Variants in ENTREP2 observed in about 807,000 individuals in gnomAD.
The protein encoded by ENTREP2 is protein ENTREP2.
chr15:29,487,323 G>A, the ENTREP2 span, among the ~76,000 whole-genome samples: 2 of 152,122 alleles, frequency 1.3e-5, no homozygotes, highest in Non-Finnish European at 2.9e-5. Flanking sequence ...ATGAGCTCCA[G>A]GTTCAGTATA....
the ENTREP2 span, among the ~76,000 whole-genome samples, chr15:29,667,851 C>A: frequency 6.6e-6 from 1 of 152,066 alleles, no homozygotes; most frequent in East Asian, 1.9e-4. Context: ...CATCCTATAT[C>A]CTATAGATGT....
chr15:29,154,770 T>A, the ENTREP2 span, among the ~76,000 whole-genome samples: 1 of 152,196 alleles, frequency 6.6e-6, no homozygotes, highest in African/African-American at 2.4e-5. Context: ...TGTAACATCC[T>A]CTGGACAATT....
chr15:29,140,047 C>T, the ENTREP2 span, among the ~76,000 whole-genome samples: 3 of 152,192 alleles, frequency 2.0e-5, no homozygotes, highest in Non-Finnish European at 4.4e-5. Context: ...GGGTTTCCTG[C>T]GCCTTCCCAC....
At chr15:29,556,771 C>T in the ENTREP2 span, among the ~76,000 whole-genome samples, 1 of 42,948 alleles carries the variant, frequency 2.3e-5, no homozygotes, top group African/African-American at 5.2e-5. Flanking sequence ...TGCCCCCCCC[C>T]CGCCCCACAT....
chr15:29,590,433 A>C, the ENTREP2 span, among the ~76,000 whole-genome samples: 116 of 152,266 alleles, frequency 7.6e-4, no homozygotes, highest in Admixed American at 6.5e-3. Context: ...CTGTAATCCT[A>C]GCACTTTGCG....
At chr15:29,459,026 C>G in the ENTREP2 span, among the ~76,000 whole-genome samples, 1 of 152,200 alleles carries the variant, frequency 6.6e-6, no homozygotes, top group Non-Finnish European at 1.5e-5. Context: ...CCAGGGCAGG[C>G]AAACTTCACC....
the ENTREP2 span, among the ~76,000 whole-genome samples, chr15:29,300,239 AATGGATGG>A: frequency 7.4e-6 from 1 of 135,632 alleles, no homozygotes; most frequent in Non-Finnish European, 1.6e-5. Flanking sequence ...TGGATGGAGA[AATGGATGG>A]ATGGATGGAT....
the ENTREP2 span, among the ~76,000 whole-genome samples, chr15:29,308,520 C>G: frequency 1.6e-4 from 25 of 152,352 alleles, no homozygotes; most frequent in East Asian, 3.5e-3. Context: ...GCCCCTGAGT[C>G]AGCTGCCTCC....
the ENTREP2 span, among the ~76,000 whole-genome samples, chr15:29,643,599 G>A: frequency 3.9e-5 from 6 of 151,994 alleles, no homozygotes; most frequent in Non-Finnish European, 5.9e-5. Context: ...TGGCTAACAC[G>A]GTGAAACCCC....
chr15:29,306,500 T>C, the ENTREP2 span, among the ~76,000 whole-genome samples: 1 of 152,164 alleles, frequency 6.6e-6, no homozygotes, highest in Admixed American at 6.5e-5. Flanking sequence ...GGATACCACA[T>C]GACAATGTCT....
chr15:29,643,155 A>G, the ENTREP2 span, among the ~76,000 whole-genome samples: 1 of 138,488 alleles, frequency 7.2e-6, no homozygotes, highest in Non-Finnish European at 1.6e-5. Flanking sequence ...AGCAAAACCA[A>G]AAGTAGATAA....
At chr15:29,207,809 G>T in the ENTREP2 span, among the ~76,000 whole-genome samples, 1 of 152,106 alleles carries the variant, frequency 6.6e-6, no homozygotes, top group Non-Finnish European at 1.5e-5. Flanking sequence ...GCTAAATCCA[G>T]TCCCTGCCAG....
the ENTREP2 span, among the ~76,000 whole-genome samples, chr15:29,633,588 A>T: frequency 1.3e-5 from 2 of 152,120 alleles, no homozygotes; most frequent in Non-Finnish European, 1.5e-5. Flanking sequence ...GATCAGCTTC[A>T]ATCAGTTCAT....
At chr15:29,387,989 T>A in the ENTREP2 span, among the ~76,000 whole-genome samples, 15 of 151,874 alleles carry the variant, frequency 9.9e-5, no homozygotes, top group East Asian at 2.7e-3. Flanking sequence ...TAAAGACTTA[T>A]ATGTTAGACC....
the ENTREP2 span, among the ~76,000 whole-genome samples, chr15:29,419,866 TTC>T: frequency 6.6e-6 from 1 of 152,080 alleles, no homozygotes; most frequent in Non-Finnish European, 1.5e-5. Context: ...ATAAAAATGT[TTC>T]TGAGACAATC....
At chr15:29,334,089 G>A in the ENTREP2 span, among the ~76,000 whole-genome samples, 13 of 152,154 alleles carry the variant, frequency 8.5e-5, no homozygotes, top group Non-Finnish European at 1.8e-4. Flanking sequence ...GCAGAACTGT[G>A]AAGGAATAAA....
chr15:29,299,178 TA>T, the ENTREP2 span, among the ~76,000 whole-genome samples: 24,676 of 152,128 alleles, frequency 0.16, 3,363 homozygotes, highest in African/African-American at 0.38. Context: ...GTATTCATGT[TA>T]AAAAAACTCT....
the ENTREP2 span, among the ~76,000 whole-genome samples, chr15:29,592,672 T>C: frequency 2.0e-5 from 3 of 152,176 alleles, no homozygotes; most frequent in African/African-American, 4.8e-5. Flanking sequence ...AAACCTCACA[T>C]TGAAATTTGA....
At chr15:29,641,996 C>CA in the ENTREP2 span, among the ~76,000 whole-genome samples, 7,034 of 152,002 alleles carry the variant, frequency 0.046, 185 homozygotes, top group South Asian at 0.065. Flanking sequence ...TAAATATATG[C>CA]AAAAACATAT....
Sources: gnomAD v4.1 joint callset for allele counts (sites outside exome capture counted in the v4.1 genomes callset) on GRCh38, gnomAD v4.1.1 for gene constraint, MANE v1.5 for transcripts, NCBI Gene and HGNC (gene_info 2026-07-23, HGNC 2026-07-21) for gene names.